Variants in PPP2R3A observed in about 807,000 individuals in gnomAD.
PPP2R3A encodes protein phosphatase 2 regulatory subunit B''alpha.
A neutral mutation model predicts 106.9 loss-of-function variants in PPP2R3A; 80 were observed. The ratio of observed to expected loss-of-function variants is 0.75; its 90% CI spans 0.62 to 0.90. The LOEUF (loss-of-function observed/expected upper bound fraction) is 0.90, where lower values mean the gene tolerates loss of function less well. Ranked by LOEUF, PPP2R3A falls within the 40% of genes least tolerant of loss-of-function variation. PPP2R3A has a pLI of 0.00. For missense variants in PPP2R3A, 1,386 were observed against 1,350.4 expected (o/e 1.03, Z -0.41); for synonymous variants, 483 against 468.3 (o/e 1.03, Z -0.41).
intron 13 of PPP2R3A, among the ~76,000 whole-genome samples, chr3:136,120,291 TAAAA>T (rs570283767): frequency 6.6e-6 from 1 of 151,678 alleles, no homozygotes; most frequent in East Asian, 1.9e-4. Context: ...TATAATTTTT[TAAAA>T]AAAAGCCTCT....
chr3:135,995,613 C>T (rs753138110), intron 1 of PPP2R3A, among the ~76,000 whole-genome samples: 7 of 151,998 alleles, frequency 4.6e-5, no homozygotes, highest in African/African-American at 7.2e-5. Flanking sequence ...GCTGGGATTA[C>T]GGGCACACAC....
chr3:136,119,791 A>T (rs911774536), intron 13 of PPP2R3A, among the ~76,000 whole-genome samples: 8 of 152,240 alleles, frequency 5.3e-5, no homozygotes, highest in Admixed American at 3.9e-4. Context: ...ATTGTGGAAG[A>T]CAGTATGACA....
At chr3:136,069,435 G>A (rs58096685) in intron 5 of PPP2R3A, among the ~76,000 whole-genome samples, 1,552 of 152,150 alleles carry the variant, frequency 0.01, 25 homozygotes, top group African/African-American at 0.036. Flanking sequence ...AAATTAACCT[G>A]GTGTGGTGCG....
intron 13 of PPP2R3A, among the ~76,000 whole-genome samples, chr3:136,120,845 C>G (rs1027812558): frequency 1.3e-5 from 2 of 152,210 alleles, no homozygotes; most frequent in African/African-American, 4.8e-5. Context: ...CATCACTAAT[C>G]ATTAGAGAAA....
intron 13 of PPP2R3A, among the ~76,000 whole-genome samples, chr3:136,111,077 C>T (rs1232042977): frequency 6.6e-6 from 1 of 152,144 alleles, no homozygotes; most frequent in Non-Finnish European, 1.5e-5. Context: ...CAGAATATCT[C>T]TGAAACAAAT....
At chr3:136,103,428 G>A in intron 12 of PPP2R3A, 52 bp downstream of exon 12, 1 of 1,266,508 alleles carries the variant, frequency 7.9e-7, no homozygotes, top group Non-Finnish European at 1.1e-6. Context: ...CAGGGGCTGT[G>A]TGTGCTACAT....
At position 136,070,556 on chromosome 3, in the gene PPP2R3A, G is replaced by A. The variant is rs1936398388; in HGVS notation, c.2544+4G>A. 4 of 1,601,534 alleles carry A rather than the reference G, an allele frequency of 2.5e-6. No individual in the cohort carries two copies. In the South Asian group the frequency reaches 3.4e-5, roughly 14 times the overall value. ...CCACTCCCGCTACATCACCACGGTA[G>A]GCTGAGTCATCTTTTTTCTTAATAT... On this transcript the variant is annotated splice_donor_region_variant and intron_variant, in intron 6 of 13. Coordinates refer to ENST00000264977, the MANE Select transcript of PPP2R3A (RefSeq NM_002718.5).
At chr3:136,104,215 T>G (rs1197316637) in intron 12 of PPP2R3A, among the ~76,000 whole-genome samples, 1 of 152,202 alleles carries the variant, frequency 6.6e-6, no homozygotes, top group African/African-American at 2.4e-5. Context: ...CCTCAGCATA[T>G]CAAGTTGCAT....
At chr3:136,051,047 T>A (rs1209712719) in intron 5 of PPP2R3A, among the ~76,000 whole-genome samples, 1 of 152,208 alleles carries the variant, frequency 6.6e-6, no homozygotes, top group Non-Finnish European at 1.5e-5. Flanking sequence ...GGGAATCAGT[T>A]ACATATCAGT....
chr3:135,973,262 T>C (rs1329009350), intron 1 of PPP2R3A, among the ~76,000 whole-genome samples: 1 of 152,222 alleles, frequency 6.6e-6, no homozygotes, highest in Non-Finnish European at 1.5e-5. Context: ...CACAAAGTTG[T>C]TGTAAGATTA....
At chr3:136,052,734 ACTTCC>A (rs888203855) in intron 5 of PPP2R3A, among the ~76,000 whole-genome samples, 2 of 152,234 alleles carry the variant, frequency 1.3e-5, no homozygotes, top group Non-Finnish European at 2.9e-5. Flanking sequence ...AGACATTTAT[ACTTCC>A]CTTAAATCTA....
intron 6 of PPP2R3A, among the ~76,000 whole-genome samples, chr3:136,070,930 C>G (rs938726303): frequency 3.3e-5 from 5 of 152,240 alleles, no homozygotes; most frequent in African/African-American, 1.2e-4. Context: ...AAAGTTAGAA[C>G]TGGACATGAT....
Position 136,002,808 on chromosome 3 carries a change from C to T in PPP2R3A, c.1310C>T (p.Pro437Leu), listed in dbSNP as rs139293675. The change falls in exon 2 of 14, where the codon CCT becomes CTT. Residue 437 changes from proline (P) to leucine (L), a missense_variant. By Grantham distance (98) the Pro-to-Leu change is moderately conservative. Transcript: ENST00000264977. ...LDKGQKTENG[P>L]SHELLKVNEH... ...AAAGGACAAAAGACAGAGAATGGAC[C>T]TAGTCATGAGTTATTAAAGGTAAAT... The T allele has an allele frequency of 3.5e-4, 572 of 1,613,734 alleles. No homozygotes were observed. The highest frequency in any genetic ancestry group is 2.5e-4 in the Non-Finnish European group (291 of 1,179,810).
chr3:135,993,377 C>T (rs1170968015), intron 1 of PPP2R3A, among the ~76,000 whole-genome samples: 1 of 152,158 alleles, frequency 6.6e-6, no homozygotes, highest in African/African-American at 2.4e-5. Flanking sequence ...TTCACACTCA[C>T]TAAGATGGCT....
intron 3 of PPP2R3A, among the ~76,000 whole-genome samples, chr3:136,037,096 T>C (rs927480666): frequency 2.0e-5 from 3 of 152,212 alleles, no homozygotes; most frequent in African/African-American, 7.2e-5. Context: ...TTTATAAAGT[T>C]ATTTGGAAGA....
chr3:136,099,108 C>G (rs750268023), intron 10 of PPP2R3A, among the ~76,000 whole-genome samples: 2 of 152,114 alleles, frequency 1.3e-5, no homozygotes, highest in Non-Finnish European at 2.9e-5. Flanking sequence ...AACCTCCAAG[C>G]AAGAAACTGA....
chr3:135,999,619 T>G (rs1001312763), intron 1 of PPP2R3A, among the ~76,000 whole-genome samples: 7 of 152,240 alleles, frequency 4.6e-5, no homozygotes, highest in African/African-American at 1.7e-4. Flanking sequence ...GTGCTACCCC[T>G]TGAGGTTTGG....
chr3:136,119,276 A>T lies in PPP2R3A; in HGVS notation c.3329+12954A>T, dbSNP rs147262180. On this transcript the variant is annotated intron_variant, in intron 13 of 13. Transcript: ENST00000264977. ...CTAAAACATAAAAATCCTAGAAGAA[A>T]ACCTAGGCAGTACCATTCAAGACAT... Among the ~76,000 whole-genome samples, 748 of 152,330 alleles carry T rather than the reference A, an allele frequency of 4.9e-3. 7 individuals carry two copies. The highest frequency in any genetic ancestry group is 0.017 in the African/African-American group (727 of 41,570).
chr3:136,033,006 G>T (rs932414260), intron 3 of PPP2R3A, among the ~76,000 whole-genome samples: 12 of 152,176 alleles, frequency 7.9e-5, no homozygotes, highest in Admixed American at 2.0e-4. Context: ...TATGTTGGCT[G>T]TGGGCTTGTC....
Sources: allele counts gnomAD v4.1 joint callset (sites outside exome capture counted in the v4.1 genomes callset), GRCh38; gene constraint gnomAD v4.1.1; transcripts MANE v1.5; gene names NCBI Gene and HGNC (gene_info 2026-07-23, HGNC 2026-07-21).